The following CCDC149 variants were observed in gnomAD, a reference collection of about 807,000 sequenced individuals.
The protein encoded by CCDC149 is coiled-coil domain-containing protein 149.
A neutral mutation model predicts 59.9 loss-of-function variants in CCDC149; 45 were observed. That is an observed-to-expected ratio of 0.75 (90% CI 0.59 to 0.96). The LOEUF (loss-of-function observed/expected upper bound fraction) is 0.96. Among genes scored for constraint, CCDC149 ranks in the 40% least tolerant of loss-of-function variants. CCDC149 has a pLI of 0.00. For synonymous variants in CCDC149, 245 were observed against 260.6 expected (o/e 0.94, Z 0.58); for missense variants, 584 against 664.7 (o/e 0.88, Z 1.33).
intron 3 of CCDC149, among the ~76,000 whole-genome samples, chr4:24,868,098 T>C (rs1173176243): frequency 6.6e-6 from 1 of 152,222 alleles, no homozygotes; most frequent in African/African-American, 2.4e-5. Flanking sequence ...TTGGTATAAA[T>C]ATTTAGCATA....
intron 1 of CCDC149, among the ~76,000 whole-genome samples, chr4:24,909,306 T>C (rs553914276): frequency 1.8e-4 from 27 of 152,068 alleles, no homozygotes; most frequent in Non-Finnish European, 2.6e-4. Context: ...GAAAATCCCA[T>C]GTAGTCCAGA....
At chr4:24,815,706 G>A (rs1489109355) in intron 12 of CCDC149, among the ~76,000 whole-genome samples, 1 of 152,066 alleles carries the variant, frequency 6.6e-6, no homozygotes, top group Non-Finnish European at 1.5e-5. Context: ...AATTACACAG[G>A]GGACTTTCAG....
In CCDC149 at chr4:24,960,211, T is replaced by C. The variant is rs143528944; in HGVS notation, c.-65+19858A>G. Among the ~76,000 whole-genome samples the C allele has an allele frequency of 6.3e-4, 96 of 152,294 alleles. 1 individual carries two copies. Among genetic ancestry groups the C allele is most frequent in the Admixed American group, 2.9e-3 (44 of 15,298 alleles). On this transcript the variant is annotated intron_variant, in intron 1 of 12. Coordinates refer to the CCDC149 transcript ENST00000389609. ...GAAGATAGCTTGTATAAGTCAACCA[T>C]ATACACTATAACTCTAATATAACTC...
At chr4:24,856,608 T>A (rs1718026691) in intron 3 of CCDC149, among the ~76,000 whole-genome samples, 1 of 152,158 alleles carries the variant, frequency 6.6e-6, no homozygotes, top group African/African-American at 2.4e-5. Flanking sequence ...CCCCATCACA[T>A]CTCAAAACTT....
intron 1 of CCDC149, among the ~76,000 whole-genome samples, chr4:24,928,482 A>G (rs777711794): frequency 1.3e-5 from 2 of 152,094 alleles, no homozygotes; most frequent in Non-Finnish European, 2.9e-5. Context: ...AACATGGACC[A>G]CCAGTATTTT....
intron 1 of CCDC149, among the ~76,000 whole-genome samples, chr4:24,927,103 C>G (rs1722452975): frequency 6.6e-6 from 1 of 152,194 alleles, no homozygotes; most frequent in Non-Finnish European, 1.5e-5. Context: ...GAAGAGAACA[C>G]AGACTTCTCT....
chr4:24,815,907 G>A lies in CCDC149; in HGVS notation c.1192+3952C>T, dbSNP rs139150985. On this transcript the variant is annotated intron_variant, in intron 12 of 12. Transcript: ENST00000635206. ...TCATTAGAGATTAAAACACAGCCAC[G>A]ATAAGAGGAATGAACTCAGGCTGTA... Among the ~76,000 whole-genome samples, 370 of 152,154 alleles carry A rather than the reference G, an allele frequency of 2.4e-3. 3 individuals carry two copies. The highest frequency in any genetic ancestry group is 8.1e-3 in the African/African-American group (336 of 41,486).
rs538971563 is a variant in CCDC149 at position 24,889,829 on chromosome 4, A to G, written c.64-13132T>C. On this transcript the variant is annotated intron_variant, in intron 1 of 12. Transcript: ENST00000635206. The stretch of plus-strand genomic sequence containing the variant: ...TGTGGTTCATTTTATCTGTCTCAGT[A>G]GAAATCCTAAAAAATACCCTAACAC... 5.3e-5 allele frequency among the ~76,000 whole-genome samples: 8 copies of G among 152,324 alleles called. No homozygotes were observed. The East Asian group carries it at 1.3e-3, about 26-fold the overall frequency.
At chr4:24,855,132 G>A (rs1324895561) in intron 3 of CCDC149, among the ~76,000 whole-genome samples, 2 of 152,148 alleles carry the variant, frequency 1.3e-5, no homozygotes, top group Admixed American at 6.5e-5. Context: ...CAAGCACCTA[G>A]TAGATGCTCC....
chr4:24,810,641 T>C (rs1714539405), intron 12 of CCDC149, among the ~76,000 whole-genome samples: 2 of 152,210 alleles, frequency 1.3e-5, no homozygotes, highest in African/African-American at 2.4e-5. Context: ...ATTTGTTCAT[T>C]TGAATGCACC....
intron 4 of CCDC149, among the ~76,000 whole-genome samples, chr4:24,851,450 C>T (rs993364308): frequency 3.9e-5 from 6 of 152,108 alleles, no homozygotes; most frequent in Non-Finnish European, 7.4e-5. Context: ...TTTCCATGAA[C>T]TGTCAGTTGC....
At position 24,819,866 on chromosome 4, in the gene CCDC149, G is replaced by T; in HGVS notation, c.1185C>A (p.Pro395=). 1 of 1,550,820 alleles carries T rather than the reference G, an allele frequency of 6.4e-7. No individual in the cohort carries two copies. Among genetic ancestry groups the T allele is most frequent in the East Asian group, 2.4e-5 (1 of 40,922 alleles). Reference sequence around the variant, plus strand: ...AAATCGAGGCGTGCTTACCATCCTTGGGATCTGCTTTGTTCTCAGTGGGCT... The same window carrying T: ...AAATCGAGGCGTGCTTACCATCCTTTGGATCTGCTTTGTTCTCAGTGGGCT... Residue 395 remains proline, a synonymous_variant, in exon 12 of 13, where the codon CCC becomes CCA. Transcript: ENST00000635206.
At chr4:24,848,600 T>C (rs56361784) in intron 4 of CCDC149, among the ~76,000 whole-genome samples, 16,395 of 148,976 alleles carry the variant, frequency 0.11, 1,031 homozygotes, top group African/African-American at 0.19. Flanking sequence ...ATAAATACAA[T>C]AAATAATGAC....
intron 1 of CCDC149, among the ~76,000 whole-genome samples, chr4:24,974,047 G>A (rs1724069238): frequency 6.6e-6 from 1 of 152,232 alleles, no homozygotes; most frequent in Non-Finnish European, 1.5e-5. Flanking sequence ...GGCAAATAAA[G>A]TGGTGCGCAA....
At chr4:24,940,363 C>T (rs1390836062) in intron 1 of CCDC149, among the ~76,000 whole-genome samples, 1 of 152,110 alleles carries the variant, frequency 6.6e-6, no homozygotes, top group African/African-American at 2.4e-5. Context: ...TTTGTCACCA[C>T]CAGGCCTGCC....
chr4:24,853,276 G>C, intron 3 of CCDC149, 97 bp from the exon 4 acceptor site: 1 of 878,106 alleles, frequency 1.1e-6, no homozygotes, highest in Non-Finnish European at 1.9e-6. Context: ...TCTAACCCCA[G>C]TTGAACCACA....
At chr4:24,896,045 G>A (rs1720829135) in intron 1 of CCDC149, among the ~76,000 whole-genome samples, 2 of 152,222 alleles carry the variant, frequency 1.3e-5, no homozygotes, top group South Asian at 2.1e-4. Context: ...CAGGGCGCCT[G>A]AATCCAGGGT....
At chr4:24,905,338 G>A (rs1458201022) in intron 1 of CCDC149, among the ~76,000 whole-genome samples, 1 of 151,238 alleles carries the variant, frequency 6.6e-6, no homozygotes, top group Non-Finnish European at 1.5e-5. Flanking sequence ...ACTTTGATAT[G>A]TCAACCTACT....
intron 1 of CCDC149, among the ~76,000 whole-genome samples, chr4:24,903,043 A>G (rs1248677343): frequency 1.4e-5 from 2 of 147,170 alleles, no homozygotes; most frequent in Admixed American, 6.9e-5. Flanking sequence ...AAAAAAAAAA[A>G]AAAAGAGTAT....
Sources: allele counts gnomAD v4.1 joint callset (sites outside exome capture counted in the v4.1 genomes callset), GRCh38; gene constraint gnomAD v4.1.1; transcripts MANE v1.5; gene names NCBI Gene and HGNC (gene_info 2026-07-23, HGNC 2026-07-21).